PDE4D: variants seen among roughly 807,000 people sequenced by gnomAD.
PDE4D encodes the protein phosphodiesterase 4D.
Under a neutral mutation model 87.4 loss-of-function variants are expected in PDE4D, and 24 were observed. The observed-to-expected ratio is 0.27, with a 90% CI of 0.20 to 0.39. The LOEUF is 0.39. Ranked by LOEUF, PDE4D falls within the 10% of genes least tolerant of loss-of-function variation. The pLI, the probability that PDE4D is intolerant of heterozygous loss-of-function variation, is 1.00. For missense variants in PDE4D, 714 were observed against 1,041.0 expected, an observed-to-expected ratio of 0.69 and a Z score of 4.32; for synonymous variants, 384 against 383.2, an observed-to-expected ratio of 1.00 and a Z score of -0.02.
chr5:60,398,024 G>T (rs1340067608), intron 1 of PDE4D, among the ~76,000 whole-genome samples: 6 of 152,186 alleles, frequency 3.9e-5, no homozygotes, highest in Admixed American at 1.3e-4. Flanking sequence ...GATTACCCCA[G>T]AAGATATAAT....
At chr5:60,262,487 CT>C (rs1284093270) in intron 1 of PDE4D, 6 of 152,126 alleles carry the variant, frequency 3.9e-5, no homozygotes, top group African/African-American at 1.2e-4. Context: ...CATGTCAGTA[CT>C]TATTCAGTGG....
chr5:59,161,889 CAA>C (rs978319609), intron 5 of PDE4D, among the ~76,000 whole-genome samples: 6 of 152,152 alleles, frequency 3.9e-5, no homozygotes, highest in African/African-American at 1.4e-4. Flanking sequence ...TGATTACGCA[CAA>C]AGAGACAAAG....
At chr5:59,581,744 T>C (rs1054601398) in intron 1 of PDE4D, among the ~76,000 whole-genome samples, 1 of 152,238 alleles carries the variant, frequency 6.6e-6, no homozygotes, top group South Asian at 2.1e-4. Context: ...AACATAAACA[T>C]TTGTAATTTC....
Position 60,420,437 on chromosome 5 carries a change from G to A in PDE4D, c.-90+67505C>T, listed in dbSNP as rs114746561. The stretch of plus-strand genomic sequence containing the variant: ...AAAACCATGCTTAAACATGTTCAAC[G>A]TGATCAGCCAATTGAACAGCATGCT... On this transcript the variant is annotated intron_variant, in intron 1 of 16. Transcript: ENST00000502484. 1.9e-3 allele frequency among the ~76,000 whole-genome samples: 283 copies of A among 152,290 alleles called. 1 individual carries two copies. Among genetic ancestry groups the A allele is most frequent in the African/African-American group, 6.5e-3 (269 of 41,570 alleles).
intron 5 of PDE4D, among the ~76,000 whole-genome samples, chr5:59,083,057 T>C (rs1010576879): frequency 1.3e-5 from 2 of 152,096 alleles, no homozygotes; most frequent in African/African-American, 2.4e-5. Flanking sequence ...GAAGAATCTG[T>C]AGGAGGTAAA....
chr5:59,217,296 T>G (rs1471772782), intron 1 of PDE4D: 1 of 455,620 alleles, frequency 2.2e-6, no homozygotes, highest in East Asian at 6.9e-5. Context: ...AATTCAAGTT[T>G]TGCTGTCATT....
At position 59,426,961 on chromosome 5, in the gene PDE4D, A is replaced by G. The variant is rs145618915; in HGVS notation, c.456-210993T>C. ...GAAATTCCCCTCTGCCACCTCCCAC[A>G]GTGACTTTTTCTCCTCCTTTCTACA... is the stretch of plus-strand genomic sequence containing the variant. On this transcript the variant is annotated intron_variant, in intron 1 of 14. Transcript: ENST00000340635. Among the ~76,000 whole-genome samples the G allele has an allele frequency of 2.7e-5, 4 of 150,746 alleles. No individual in the cohort carries two copies. The East Asian group carries it at 7.8e-4, about 30-fold the overall frequency.
At chr5:60,186,734 TG>T (rs1319850329) in intron 1 of PDE4D, among the ~76,000 whole-genome samples, 4 of 152,124 alleles carry the variant, frequency 2.6e-5, no homozygotes, top group African/African-American at 9.7e-5. Context: ...AGAGTAACAG[TG>T]ATTAAGGTCT....
intron 6 of PDE4D, among the ~76,000 whole-genome samples, chr5:59,015,440 A>C (rs1481245243): frequency 6.6e-6 from 1 of 152,214 alleles, no homozygotes; most frequent in Non-Finnish European, 1.5e-5. Context: ...AAAATCAAAC[A>C]ACCCCATCAA....
chr5:59,648,049 C>T (rs930823678), intron 1 of PDE4D, among the ~76,000 whole-genome samples: 1 of 152,122 alleles, frequency 6.6e-6, no homozygotes, highest in East Asian at 1.9e-4. Context: ...AAGAGCTCTG[C>T]TACATCTACT....
chr5:59,333,501 C>T (rs1275101944), intron 1 of PDE4D, among the ~76,000 whole-genome samples: 1 of 152,132 alleles, frequency 6.6e-6, no homozygotes, highest in East Asian at 1.9e-4. Flanking sequence ...TTTTGATTTT[C>T]CCTGTGCAGA....
At chr5:60,163,023 C>T (rs544142441) in intron 2 of PDE4D, among the ~76,000 whole-genome samples, 12 of 152,200 alleles carry the variant, frequency 7.9e-5, no homozygotes, top group African/African-American at 2.9e-4. Context: ...AATTGAAAAG[C>T]ACAATGTGAT....
At chr5:60,439,583 G>A (rs1470142048) in intron 1 of PDE4D, among the ~76,000 whole-genome samples, 1 of 152,092 alleles carries the variant, frequency 6.6e-6, no homozygotes, top group Non-Finnish European at 1.5e-5. Flanking sequence ...AGTTAAATAA[G>A]AAATATGGCC....
At chr5:59,088,899 C>T (rs557592143) in intron 5 of PDE4D, among the ~76,000 whole-genome samples, 16 of 152,126 alleles carry the variant, frequency 1.1e-4, no homozygotes, top group African/African-American at 3.9e-4. Context: ...ACAAGTTTAC[C>T]TATGTAACAA....
chr5:59,040,771 C>A (rs1339461780), intron 5 of PDE4D, among the ~76,000 whole-genome samples: 1 of 152,128 alleles, frequency 6.6e-6, no homozygotes. Flanking sequence ...GTGGTGGGAT[C>A]CCTTGTCTTT....
chr5:60,412,369 A>G lies in PDE4D; in HGVS notation c.-90+75573T>C, dbSNP rs1157573444. Among the ~76,000 whole-genome samples the G allele has an allele frequency of 2.6e-5, 4 of 152,190 alleles. No homozygotes were observed. In the East Asian group the frequency reaches 7.7e-4, roughly 29 times the overall value. ...GAAAGAGCAATCCAGAAGAGATAGA[A>G]AAACCAGTCAATATCTTTTTAGAGA... is the stretch of plus-strand genomic sequence containing the variant. On this transcript the variant is annotated intron_variant, in intron 1 of 16. Transcript: ENST00000502484.
At chr5:60,264,645 A>C (rs570292940) in intron 1 of PDE4D, among the ~76,000 whole-genome samples, 24 of 152,336 alleles carry the variant, frequency 1.6e-4, no homozygotes, top group African/African-American at 5.8e-4. Flanking sequence ...TTATCTCAAG[A>C]AAAGTACATC....
chr5:60,043,821 A>G (rs2152870676), intron 2 of PDE4D, among the ~76,000 whole-genome samples: 1 of 152,318 alleles, frequency 6.6e-6, no homozygotes, highest in African/African-American at 2.4e-5. Flanking sequence ...AGGCAGGTCT[A>G]CTGGTGACAG....
At chr5:60,434,206 G>A (rs530727147) in intron 1 of PDE4D, among the ~76,000 whole-genome samples, 4 of 152,240 alleles carry the variant, frequency 2.6e-5, no homozygotes, top group Admixed American at 2.6e-4. Context: ...AAGAGGTTAA[G>A]GCTTAAAAAT....
Sources: allele counts gnomAD v4.1 joint callset (sites outside exome capture counted in the v4.1 genomes callset), GRCh38; gene constraint gnomAD v4.1.1; transcripts MANE v1.5; gene names NCBI Gene and HGNC (gene_info 2026-07-23, HGNC 2026-07-21).